Variants in STK33 observed in about 807,000 individuals in gnomAD.
STK33 encodes the protein serine/threonine-protein kinase 33.
Under a neutral mutation model 58.0 loss-of-function variants are expected in STK33, and 52 were observed. The ratio of observed to expected loss-of-function variants is 0.90; its 90% CI spans 0.72 to 1.13. The LOEUF (loss-of-function observed/expected upper bound fraction) is 1.13. Among genes scored for constraint, STK33 ranks in the 50% most tolerant of loss-of-function variants. The probability of loss-of-function intolerance (pLI) is 0.00; values close to 1 mark genes in which losing one functional copy is unlikely to be tolerated. For synonymous variants in STK33, 215 were observed against 200.1 expected (o/e 1.07, Z -0.63); for missense variants, 630 against 604.2 (o/e 1.04, Z -0.45).
At chr11:8,345,844 C>T in the STK33 span, among the ~76,000 whole-genome samples, 2 of 152,170 alleles carry the variant, frequency 1.3e-5, no homozygotes, top group Non-Finnish European at 2.9e-5. Flanking sequence ...TGGTAGAGAC[C>T]GCTCTTAAGA....
chr11:8,521,712 T>G (rs1456296642), intron 1 of STK33, among the ~76,000 whole-genome samples: 1 of 152,006 alleles, frequency 6.6e-6, no homozygotes, highest in Non-Finnish European at 1.5e-5. Context: ...GGAGAAAATT[T>G]TTACAATCTA....
At chr11:8,394,486 A>G (rs949037968) in intron 15 of STK33, among the ~76,000 whole-genome samples, 1 of 152,234 alleles carries the variant, frequency 6.6e-6, no homozygotes, top group Non-Finnish European at 1.5e-5. Flanking sequence ...TCTATCGAGC[A>G]GGAATAAAGA....
the STK33 span, among the ~76,000 whole-genome samples, chr11:8,381,884 G>T: frequency 1.3e-5 from 2 of 152,030 alleles, no homozygotes; most frequent in East Asian, 3.9e-4. Flanking sequence ...TTTAGTTTGG[G>T]GCCCAGATAG....
At chr11:8,552,528 T>C (rs893366457) in intron 1 of STK33, among the ~76,000 whole-genome samples, 5 of 152,192 alleles carry the variant, frequency 3.3e-5, no homozygotes, top group Admixed American at 6.5e-5. Context: ...AAATATTTTA[T>C]CTCTTTATAT....
At chr11:8,391,378 C>G (rs1257535913), downstream of STK33, among the ~76,000 whole-genome samples, 1 of 152,214 alleles carries the variant, frequency 6.6e-6, no homozygotes, top group Admixed American at 6.5e-5. Context: ...ACTGGCAGAA[C>G]CACGTGGGGC....
In STK33 at chr11:8,516,487, C is replaced by T. The variant is rs189188803; in HGVS notation, c.-465-35873G>A. 5.8e-3 allele frequency among the ~76,000 whole-genome samples: 890 copies of T among 152,322 alleles called. 7 individuals carry two copies. The highest frequency in any genetic ancestry group is 0.019 in the African/African-American group (809 of 41,572). ...CAACTGAGGTACTGGGTTCATCTCA[C>T]TGGGGCTTGTCAGACAGAGGGTGCA... On this transcript the variant is annotated intron_variant, in intron 1 of 15. Coordinates refer to ENST00000687296, the MANE Select transcript of STK33 (RefSeq NM_001352389.2).
intron 1 of STK33, among the ~76,000 whole-genome samples, chr11:8,534,590 G>A (rs1954841859): frequency 6.8e-6 from 1 of 146,594 alleles, no homozygotes; most frequent in Non-Finnish European, 1.5e-5. Flanking sequence ...GTGTGTGTGT[G>A]TGTGTGTGTG....
At chr11:8,375,214 A>G in the STK33 span, among the ~76,000 whole-genome samples, 1 of 152,232 alleles carries the variant, frequency 6.6e-6, no homozygotes, top group Non-Finnish European at 1.5e-5. Flanking sequence ...ATCATTATCA[A>G]TTTAGTCGCT....
intron 1 of STK33, among the ~76,000 whole-genome samples, chr11:8,503,447 T>C (rs548897306): frequency 1.4e-4 from 21 of 151,864 alleles, no homozygotes; most frequent in Admixed American, 6.6e-4. Flanking sequence ...AAGGGAACAA[T>C]AGACACTGGG....
intron 1 of STK33, among the ~76,000 whole-genome samples, chr11:8,535,399 A>C (rs1384513570): frequency 6.6e-6 from 1 of 152,212 alleles, no homozygotes; most frequent in Non-Finnish European, 1.5e-5. Context: ...ACAGGAAAAA[A>C]GACAGTCCCA....
In STK33 at chr11:8,401,716, A is replaced by T. The variant is rs545089969; in HGVS notation, c.1345-9006T>A. On this transcript the variant is annotated intron_variant, in intron 15 of 15. Coordinates refer to ENST00000687296, the MANE Select transcript of STK33 (RefSeq NM_001352389.2). Reference sequence around the variant, plus strand: ...GAATGGGAGAAAATTTTTGCAATCTACTCATCTGACAAAGGGCTAATATCC... The same window carrying T: ...GAATGGGAGAAAATTTTTGCAATCTTCTCATCTGACAAAGGGCTAATATCC... 1.5e-4 allele frequency among the ~76,000 whole-genome samples: 23 copies of T among 152,326 alleles called. No homozygotes were observed. In the East Asian group the frequency reaches 2.3e-3, roughly 15 times the overall value.
intron 1 of STK33, among the ~76,000 whole-genome samples, chr11:8,579,391 A>G (rs890092126): frequency 6.6e-6 from 1 of 152,082 alleles, no homozygotes; most frequent in Non-Finnish European, 1.5e-5. Flanking sequence ...ACTTTCAAAT[A>G]CTTTAGTTCA....
At chr11:8,530,825 G>A (rs1278458004) in intron 1 of STK33, among the ~76,000 whole-genome samples, 1 of 152,106 alleles carries the variant, frequency 6.6e-6, no homozygotes, top group Non-Finnish European at 1.5e-5. Context: ...TGAGTTGCTG[G>A]GACCACAGGC....
chr11:8,565,449 A>G (rs1957386248), intron 1 of STK33, among the ~76,000 whole-genome samples: 2 of 152,090 alleles, frequency 1.3e-5, no homozygotes, highest in Non-Finnish European at 2.9e-5. Flanking sequence ...TCTGCATCCG[A>G]TAACAGAGTT....
intron 8 of STK33, among the ~76,000 whole-genome samples, chr11:8,460,512 A>C (rs932406872): frequency 2.6e-5 from 4 of 152,182 alleles, no homozygotes; most frequent in Non-Finnish European, 4.4e-5. Context: ...AAGGAGATAA[A>C]AAATGATTTA....
intron 1 of STK33, among the ~76,000 whole-genome samples, chr11:8,537,924 T>C (rs993804246): frequency 6.6e-6 from 1 of 151,174 alleles, no homozygotes; most frequent in African/African-American, 2.4e-5. Context: ...TGGTGGCTCA[T>C]GCCTGTAATC....
At chr11:8,457,506 G>A (rs201832685) in intron 8 of STK33, 27 bp from the exon 9 acceptor site, 159 of 1,537,754 alleles carry the variant, frequency 1.0e-4, no homozygotes, top group Non-Finnish European at 1.3e-4. Context: ...AAAAGAGAGA[G>A]AGAGCAAATT....
chr11:8,380,822 A>C, the STK33 span, among the ~76,000 whole-genome samples: 4 of 152,226 alleles, frequency 2.6e-5, no homozygotes, highest in South Asian at 6.2e-4. Context: ...TTGCAAAGAT[A>C]CGGAACCAAC....
the STK33 span, among the ~76,000 whole-genome samples, chr11:8,377,876 A>T: frequency 8.7e-4 from 133 of 152,332 alleles, 1 homozygote; most frequent in South Asian, 7.5e-3. Context: ...AAAATAAAAT[A>T]CCTAGGAATA....
Sources: allele counts gnomAD v4.1 joint callset (sites outside exome capture counted in the v4.1 genomes callset), GRCh38; gene constraint gnomAD v4.1.1; transcripts MANE v1.5; gene names NCBI Gene and HGNC (gene_info 2026-07-23, HGNC 2026-07-21).